The following FLNC variants were observed in gnomAD, a reference collection of about 807,000 sequenced individuals.
FLNC encodes the protein filamin C.
In FLNC, 91 loss-of-function variants were observed where a neutral mutation model predicts 254.3. The ratio of observed to expected loss-of-function variants is 0.36; its 90% confidence interval spans 0.30 to 0.43. The LOEUF (loss-of-function observed/expected upper bound fraction) is 0.43. Ranked by LOEUF, FLNC falls within the 20% of genes least tolerant of loss-of-function variation. The probability of loss-of-function intolerance (pLI) is 1.00; values close to 1 mark genes in which losing one functional copy is unlikely to be tolerated. For missense variants in FLNC, 2,853 were observed against 3,802.6 expected, an observed-to-expected ratio of 0.75 and a Z score of 6.57; for synonymous variants, 1,430 against 1,577.2, an observed-to-expected ratio of 0.91 and a Z score of 2.21.
chr7:128,849,260 G>A, intron 29 of FLNC, 56 bp downstream of exon 29: 1 of 1,614,102 alleles, frequency 6.2e-7, no homozygotes, highest in Non-Finnish European at 8.5e-7. Flanking sequence ...GGCGGTAGGG[G>A]GCGGGCAGCG....
intron 8 of FLNC, 114 bp downstream of exon 8, chr7:128,838,917 A>T: frequency 1.1e-6 from 1 of 911,920 alleles, no homozygotes; most frequent in Non-Finnish European, 1.7e-6. Flanking sequence ...TGAGTCCTCC[A>T]TCCCACCCCC....
chr7:128,854,792 A>C lies in FLNC; in HGVS notation c.7015A>C (p.Thr2339Pro). 1 of 1,614,104 alleles carries C rather than the reference A, an allele frequency of 6.2e-7. No individual in the cohort carries two copies. Residue 2339 changes from threonine to proline, a missense_variant, in exon 42 of 48, where the codon ACC (threonine) becomes CCC (proline). By Grantham distance (38) the Thr-to-Pro change is conservative. Around this residue, in one of 10 missense-constraint regions of FLNC, gnomAD observed 551 missense variants for 835.0 expected, o/e 0.66. Transcript: ENST00000325888. ...GTCCCCAGCCGAGTTCAGCATCTGGACCCGGGAGGCTGGCGCTGGGGGCCT... is the reference window on the plus strand; with the variant it reads ...GTCCCCAGCCGAGTTCAGCATCTGGCCCCGGGAGGCTGGCGCTGGGGGCCT... Reference protein sequence around the residue: ...AGVPAEFSIWTREAGAGGLSI... With the variant: ...AGVPAEFSIWPREAGAGGLSI...
At position 128,843,260 on chromosome 7, in the gene FLNC, T is replaced by C. The variant is rs749269317; in HGVS notation, c.2582T>C (p.Val861Ala). The change falls in exon 17 of 48, where the codon GTG becomes GCG. Residue 861 changes from valine (V) to alanine (A), a missense_variant. Around this residue, in one of 10 missense-constraint regions of FLNC, gnomAD observed 1,573 missense variants for 1,883.5 expected, o/e 0.84. Transcript: ENST00000325888. ...EIPASPFHIK[V>A]DPSHDASKVK... Reference sequence around the variant, plus strand: ...CCCGCCAGCCCCTTCCACATCAAGGTGGACCCATCCCACGATGCCAGCAAA... The same window carrying C: ...CCCGCCAGCCCCTTCCACATCAAGGCGGACCCATCCCACGATGCCAGCAAA... The C allele has an allele frequency of 3.1e-6, 5 of 1,609,360 alleles. No individual in the cohort carries two copies. In the East Asian group the frequency reaches 1.1e-4, roughly 36 times the overall value.
chr7:128,846,151 G>C lies in FLNC; in HGVS notation c.3952G>C (p.Ala1318Pro). ...GDGTYRVQYT[A>P]YEEGVHLVEV... ...CGGCACCTACCGAGTGCAGTACACC[G>C]CCTACGAGGAGGGTGAGGGCCGGTG... is the stretch of plus-strand genomic sequence containing the variant. The change falls in exon 22 of 48, where the codon GCC (alanine) becomes CCC (proline). Residue 1318 changes from alanine to proline, a missense_variant. Around this residue, in one of 10 missense-constraint regions of FLNC, gnomAD observed 1,573 missense variants for 1,883.5 expected, o/e 0.84. Coordinates refer to ENST00000325888, the MANE Select transcript of FLNC (RefSeq NM_001458.5). 1 of 1,614,066 alleles carries C rather than the reference G, an allele frequency of 6.2e-7. No individual in the cohort carries two copies. Among genetic ancestry groups the C allele is most frequent in the Non-Finnish European group, 8.5e-7 (1 of 1,179,982 alleles).
rs112551385 is a variant in FLNC at position 128,851,787 on chromosome 7, T to C, written c.5842+159T>C. Among the ~76,000 whole-genome samples, 778 of 152,360 alleles carry C rather than the reference T, an allele frequency of 5.1e-3. 6 individuals are homozygous for C. The highest frequency in any genetic ancestry group is 0.017 in the African/African-American group (723 of 41,592). The stretch of plus-strand genomic sequence containing the variant: ...TTTTGATAAATGTAAAAACACTCTG[T>C]TCTCCACGGCAGCTAAGAAGCAGTC... On this transcript the variant is annotated intron_variant, in intron 35 of 47. Coordinates refer to ENST00000325888, the MANE Select transcript of FLNC (RefSeq NM_001458.5).
Position 128,846,889 on chromosome 7 carries a change from G to C in FLNC, c.4272G>C (p.Gly1424=), listed in dbSNP as rs759650097. 2 of 1,614,192 alleles carry C rather than the reference G, an allele frequency of 1.2e-6. No individual in the cohort carries two copies. The highest frequency in any genetic ancestry group is 1.1e-5 in the South Asian group (1 of 91,082). Residue 1424 remains glycine, a synonymous_variant, in exon 24 of 48, where the codon GGG becomes GGC. Transcript: ENST00000325888. ...PGDYDVNITF[G]GRPIPGSPFR... ...ACTATGACGTCAACATCACCTTCGG[G>C]GGGCGGCCCATCCCAGGTGTGCAGA... is the stretch of plus-strand genomic sequence containing the variant.
chr7:128,839,229 C>A (rs973560410), intron 8 of FLNC, among the ~76,000 whole-genome samples: 7 of 152,344 alleles, frequency 4.6e-5, no homozygotes, highest in Non-Finnish European at 8.8e-5. Context: ...TGGCCCGGGC[C>A]GTGTGGAATC....
In FLNC at chr7:128,835,928, C is replaced by T. The variant is rs1808079756; in HGVS notation, c.601+354C>T. On this transcript the variant is annotated intron_variant, in intron 2 of 47. Transcript: ENST00000325888. This position sits in a 1 kb window ranked among gnomAD's most constrained non-coding sequence, Gnocchi z 5.3. ...GACTCCCTGCCCCATGAATTTTTTA[C>T]TGTGCCACGAGGCACTATTCCTGCC... is the stretch of plus-strand genomic sequence containing the variant. Among the ~76,000 whole-genome samples, 1 of 152,220 alleles carries T rather than the reference C, an allele frequency of 6.6e-6. No homozygotes were observed. The highest frequency in any genetic ancestry group is 2.1e-4 in the South Asian group (1 of 4,834).
chr7:128,854,465 G>A lies in FLNC; in HGVS notation c.6780G>A (p.Lys2260=), dbSNP rs1808967100. 3.1e-6 allele frequency: 5 copies of A among 1,608,990 alleles called. No homozygotes were observed. The highest frequency in any genetic ancestry group is 1.7e-5 in the Admixed American group (1 of 59,286). The stretch of plus-strand genomic sequence containing the variant: ...CACAGGTGACCAGCCCATCGGGCAA[G>A]GTGGAAGCCGCAGAGATCGTCGAGG... The part of the protein sequence containing the change: ...MTAQVTSPSG[K]VEAAEIVEGE... The change falls in exon 41 of 48, where the codon AAG becomes AAA. Residue 2260 remains lysine (K), a synonymous_variant. Transcript: ENST00000325888.
rs1370099990 is a variant in FLNC, at chr7:128,847,746, G to A, written c.4338G>A (p.Val1446=). 2 of 1,614,148 alleles carry A rather than the reference G, an allele frequency of 1.2e-6. No individual in the cohort carries two copies. Among genetic ancestry groups the A allele is most frequent in the Non-Finnish European group, 1.7e-6 (2 of 1,180,024 alleles). Residue 1446 remains valine, a synonymous_variant, in exon 25 of 48, where the codon GTG becomes GTA. Transcript: ENST00000325888. ...AGGATGTGGTGGACCCTGGGAAGGTGAAGTGCTCAGGGCCAGGGCTGGGGG... is the reference window on the plus strand; with the variant it reads ...AGGATGTGGTGGACCCTGGGAAGGTAAAGTGCTCAGGGCCAGGGCTGGGGG... The part of the protein sequence containing the change: ...PVKDVVDPGK[V]KCSGPGLGAG...
At chr7:128,837,576 T>C in intron 4 of FLNC, 28 bp downstream of exon 4, 1 of 1,613,896 alleles carries the variant, frequency 6.2e-7, no homozygotes, top group East Asian at 2.2e-5. Flanking sequence ...GCGGCCCTCC[T>C]GGGCAGCTGG....
chr7:128,846,287 T>A lies in FLNC; in HGVS notation c.3965-14T>A. ...GCACACTCCCTGATTGATGCCCCTG[T>A]GGCTGGCTTCCAGGCGTGCATCTGG... On this transcript the variant is annotated splice_polypyrimidine_tract_variant and intron_variant, in intron 22 of 47. Coordinates refer to ENST00000325888, the MANE Select transcript of FLNC (RefSeq NM_001458.5). 1.2e-6 allele frequency: 2 copies of A among 1,613,764 alleles called. No individual in the cohort carries two copies. Among genetic ancestry groups the A allele is most frequent in the Non-Finnish European group, 1.7e-6 (2 of 1,179,922 alleles).
rs752027721 is a variant in FLNC, at chr7:128,838,313, A to G, written c.1094A>G (p.Glu365Gly). 296 of 1,613,848 alleles carry G rather than the reference A, an allele frequency of 1.8e-4. No individual in the cohort carries two copies. The highest frequency in any genetic ancestry group is 2.4e-4 in the Non-Finnish European group (282 of 1,179,962). Residue 365 changes from glutamate to glycine, a missense_variant, in exon 7 of 48, where the codon GAG becomes GGG. Around this residue, in one of 10 missense-constraint regions of FLNC, gnomAD observed 1,573 missense variants for 1,883.5 expected, o/e 0.84. Transcript: ENST00000325888. The stretch of plus-strand genomic sequence containing the variant: ...CAGAACATTGAACGCAGTCCCTTTG[A>G]GGTGAACGTGGGCATGGCCCTGGGA... ...AGQNIERSPF[E>G]VNVGMALGDA...
At chr7:128,851,161 G>C in intron 33 of FLNC, 71 bp from the exon 34 acceptor site, 1 of 1,609,426 alleles carries the variant, frequency 6.2e-7, no homozygotes, top group South Asian at 1.1e-5. Flanking sequence ...GCTGCTGGAA[G>C]GTGCTGGGGC....
In FLNC at chr7:128,857,221, T is replaced by G. The variant is rs1261764029; in HGVS notation, c.7665T>G (p.Cys2555Trp). 6.2e-7 allele frequency: 1 copy of G among 1,614,078 alleles called. No homozygotes were observed. The highest frequency in any genetic ancestry group is 8.5e-7 in the Non-Finnish European group (1 of 1,179,992). ...PSKVQLDCRE[C>W]PEGHVVTYTP... The stretch of plus-strand genomic sequence containing the variant: ...AGGTGCAGCTGGACTGTCGGGAGTG[T>G]CCTGAGGGCCATGTGGTCACTTATA... The change falls in exon 46 of 48, where the codon TGT becomes TGG. Residue 2555 changes from cysteine (C) to tryptophan (W), a missense_variant. Cys to Trp is a radical substitution (Grantham distance 215). This residue lies in a region of FLNC where 197 missense variants were observed against 351.5 expected (regional missense o/e 0.56). Transcript: ENST00000325888. The surrounding 1 kb of genome is among the most constrained non-coding windows in gnomAD (Gnocchi z 4.5).
In FLNC at chr7:128,849,968, C is replaced by T. The variant is rs1478656876; in HGVS notation, c.5200-8C>T. 2.5e-6 allele frequency: 4 copies of T among 1,582,818 alleles called. No homozygotes were observed. In the Admixed American group the frequency reaches 5.2e-5, roughly 21 times the overall value. The stretch of plus-strand genomic sequence containing the variant: ...CACACCCTGTGCCCCCGTGCCTTGC[C>T]TCCCCAGGCGTGTGACCCCCTGCCG... On this transcript the variant is annotated splice_polypyrimidine_tract_variant and splice_region_variant and intron_variant, in intron 30 of 47. Coordinates refer to ENST00000325888, the MANE Select transcript of FLNC (RefSeq NM_001458.5).
At position 128,844,769 on chromosome 7, in the gene FLNC, C is replaced by T. The variant is rs199707920; in HGVS notation, c.3304C>T (p.Pro1102Ser). Residue 1102 changes from proline (P) to serine (S), a missense_variant, in exon 21 of 48, where the codon CCC becomes TCC. Pro to Ser is a moderately conservative substitution (Grantham distance 74). Transcript: ENST00000325888. Reference sequence around the variant, plus strand: ...TGGCCTGGGGCTGACCGTAGAGGGCCCCTGCGAGGCCAAGATCGAGTGCCA... The same window carrying T: ...TGGCCTGGGGCTGACCGTAGAGGGCTCCTGCGAGGCCAAGATCGAGTGCCA... The part of the protein sequence containing the change: ...TGGLGLTVEG[P>S]CEAKIECQDN... 2.4e-4 allele frequency: 385 copies of T among 1,613,934 alleles called. No homozygotes were observed. Among genetic ancestry groups the T allele is most frequent in the Non-Finnish European group, 3.1e-4 (365 of 1,180,036 alleles).
At chr7:128,854,262 G>A (rs1208547568) in intron 40 of FLNC, 46 bp downstream of exon 40, 1 of 1,604,034 alleles carries the variant, frequency 6.2e-7, no homozygotes, top group Admixed American at 1.7e-5. Flanking sequence ...GGCGGGATGG[G>A]AGGGTGCTGC....
intron 27 of FLNC, 33 bp downstream of exon 27, chr7:128,848,750 T>C (rs370558481): frequency 5.6e-6 from 9 of 1,613,990 alleles, no homozygotes; most frequent in Non-Finnish European, 7.6e-6. Context: ...CCGCAGGTCA[T>C]GCTCCAGGCA....
Sources: allele counts gnomAD v4.1 joint callset (sites outside exome capture counted in the v4.1 genomes callset), GRCh38; gene constraint gnomAD v4.1.1; regional missense constraint gnomAD v4.1.1; non-coding constraint Gnocchi (gnomAD v3.1); transcripts MANE v1.5; gene names NCBI Gene and HGNC (gene_info 2026-07-23, HGNC 2026-07-21).